The following SYCP2 variants were observed in gnomAD, a reference collection of about 807,000 sequenced individuals.
SYCP2 encodes the protein synaptonemal complex lateral element protein.
In SYCP2, 55 loss-of-function variants were observed where a neutral mutation model predicts 211.3. The observed-to-expected ratio is 0.26, with a 90% confidence interval of 0.21 to 0.33. The LOEUF (loss-of-function observed/expected upper bound fraction) is 0.33. Among genes scored for constraint, SYCP2 ranks in the 10% least tolerant of loss-of-function variants. The pLI, the probability that SYCP2 is intolerant of heterozygous loss-of-function variation, is 1.00. For missense variants in SYCP2, 1,731 were observed against 1,752.0 expected, an observed-to-expected ratio of 0.99 and a Z score of 0.21; for synonymous variants, 570 against 555.2, an observed-to-expected ratio of 1.03 and a Z score of -0.37.
rs2059829709 is a variant in SYCP2 at position 59,888,029 on chromosome 20, G to T, written c.2365-1195C>A. Among the ~76,000 whole-genome samples, 4 of 152,086 alleles carry T rather than the reference G, an allele frequency of 2.6e-5. No homozygotes were observed. In the South Asian group the frequency reaches 8.3e-4, roughly 32 times the overall value. On this transcript the variant is annotated intron_variant, in intron 24 of 44. Coordinates refer to ENST00000357552, the MANE Select transcript of SYCP2 (RefSeq NM_014258.4). ...TATTAAAGAAATGGAATGAATACTTGATATCCTACCAAAACACCAGAAAGA... is the reference window on the plus strand; with the variant it reads ...TATTAAAGAAATGGAATGAATACTTTATATCCTACCAAAACACCAGAAAGA...
At position 59,911,853 on chromosome 20, in the gene SYCP2, A is replaced by T. The variant is rs1409704483; in HGVS notation, c.877-8T>A. 1 of 1,465,684 alleles carries T rather than the reference A, an allele frequency of 6.8e-7. No individual in the cohort carries two copies. Among genetic ancestry groups the T allele is most frequent in the Non-Finnish European group, 9.4e-7 (1 of 1,061,016 alleles). The allele number at this position is 1,465,684 out of a possible 1,614,324, so 90.8% of individuals were successfully genotyped here. On this transcript the variant is annotated splice_region_variant and splice_polypyrimidine_tract_variant and intron_variant, in intron 13 of 44. Transcript: ENST00000357552. ...ATCTGATGGTATTTGCAGCTAATAA[A>T]ATAAACATACAAAACTGGAATATAC... is the stretch of plus-strand genomic sequence containing the variant.
chr20:59,884,949 G>A (rs1258544659), intron 26 of SYCP2, among the ~76,000 whole-genome samples: 1 of 152,008 alleles, frequency 6.6e-6, no homozygotes, highest in Non-Finnish European at 1.5e-5. Context: ...TTGCCAAATG[G>A]GTTTTTGAGT....
intron 32 of SYCP2, 121 bp from the exon 33 acceptor site, chr20:59,877,676 GA>G: frequency 2.5e-6 from 2 of 798,694 alleles, no homozygotes; most frequent in Admixed American, 3.1e-5. Flanking sequence ...AATGATTCTT[GA>G]TTAACATACT....
intron 9 of SYCP2, 98 bp downstream of exon 9, chr20:59,915,365 GTT>G (rs2060419066): frequency 5.0e-6 from 5 of 992,802 alleles, no homozygotes; most frequent in Non-Finnish European, 7.7e-6. Context: ...AGCTGCAACA[GTT>G]TATCAGTTTC....
intron 15 of SYCP2, among the ~76,000 whole-genome samples, chr20:59,906,564 C>G (rs561616738): frequency 9.1e-4 from 138 of 152,148 alleles, no homozygotes; most frequent in Non-Finnish European, 1.7e-3. Flanking sequence ...TTATAATACT[C>G]CTAAACATAA....
chr20:59,916,157 A>T (rs1463888606), intron 8 of SYCP2, among the ~76,000 whole-genome samples: 99 of 152,296 alleles, frequency 6.5e-4, no homozygotes, highest in African/African-American at 2.3e-3. Flanking sequence ...GGAAGCCAAA[A>T]AATGTTACTT....
At chr20:59,868,072 CTACTT>C (rs1210102352) in intron 38 of SYCP2, among the ~76,000 whole-genome samples, 1 of 151,670 alleles carries the variant, frequency 6.6e-6, no homozygotes, top group Non-Finnish European at 1.5e-5. Flanking sequence ...GCAGAAATGA[CTACTT>C]TAAGCTGGAA....
intron 24 of SYCP2, 145 bp from the exon 25 acceptor site, chr20:59,886,979 A>G (rs1469787913): frequency 5.0e-6 from 3 of 603,350 alleles, no homozygotes; most frequent in Non-Finnish European, 8.2e-6. Context: ...AGTAAGTTTG[A>G]GCTTTGTTAG....
At chr20:59,915,322 G>A in intron 9 of SYCP2, 123 bp from the exon 10 acceptor site, 1 of 991,970 alleles carries the variant, frequency 1.0e-6, no homozygotes, top group African/African-American at 1.6e-5. Flanking sequence ...GACTTTTGCA[G>A]AAATTATATG....
chr20:59,868,481 T>A lies in SYCP2; in HGVS notation c.3920A>T (p.Glu1307Val), dbSNP rs1251927076. ...TTTGGGAAGCAAGTTTGCTCTCCTT[T>A]CTCCTTTCTCTTCCATTTCTACTTC... ...SNEVEMEEKG[E>V]RRANLLPKKL... is the part of the protein sequence containing the mutation. Residue 1307 changes from glutamate (E) to valine (V), a missense_variant, in exon 38 of 45, where the codon GAA becomes GTA. Around this residue, in one of 3 missense-constraint regions of SYCP2, gnomAD observed 1,387 missense variants for 1,351.3 expected, o/e 1.03. Coordinates refer to ENST00000357552, the MANE Select transcript of SYCP2 (RefSeq NM_014258.4). 6.2e-7 allele frequency: 1 copy of A among 1,611,520 alleles called. No homozygotes were observed. The highest frequency in any genetic ancestry group is 2.2e-5 in the East Asian group (1 of 44,768).
intron 14 of SYCP2, among the ~76,000 whole-genome samples, chr20:59,908,655 TCAAA>T (rs976323234): frequency 1.1e-4 from 16 of 152,210 alleles, no homozygotes; most frequent in African/African-American, 2.4e-4. Context: ...ATGGCAATTT[TCAAA>T]CAGATTTTTA....
chr20:59,879,844 TATATATATATATATATA>T, intron 31 of SYCP2, among the ~76,000 whole-genome samples: 1 of 127,902 alleles, frequency 7.8e-6, no homozygotes, highest in East Asian at 2.0e-4. Flanking sequence ...TATATATATA[TATATATATATATATATA>T]TACACACACA....
intron 13 of SYCP2, 48 bp from the exon 14 acceptor site, chr20:59,911,893 T>A (rs374845424): frequency 1.2e-5 from 11 of 956,520 alleles, no homozygotes; most frequent in Non-Finnish European, 1.7e-5. Flanking sequence ...ATTTTAGAAA[T>A]AACAGACAAT....
At chr20:59,902,325 C>A (rs2060129727) in intron 15 of SYCP2, among the ~76,000 whole-genome samples, 1 of 152,026 alleles carries the variant, frequency 6.6e-6, no homozygotes, top group African/African-American at 2.4e-5. Context: ...AATGAACTTA[C>A]CAATCCAGTA....
chr20:59,919,935 A>G (rs2060510143), intron 5 of SYCP2, among the ~76,000 whole-genome samples: 1 of 151,722 alleles, frequency 6.6e-6, no homozygotes, highest in South Asian at 2.1e-4. Context: ...CTATATGAAA[A>G]GTTTTCATAT....
In SYCP2 at chr20:59,865,857, C is replaced by T; in HGVS notation, c.4329G>A (p.Trp1443Ter). 1 of 1,390,854 alleles carries T rather than the reference C, an allele frequency of 7.2e-7. No homozygotes were observed. Among genetic ancestry groups the T allele is most frequent in the Non-Finnish European group, 9.6e-7 (1 of 1,038,998 alleles). 86.2% of individuals were successfully genotyped at this position (1,390,854 alleles called of 1,614,324 possible). Residue 1443 changes from tryptophan (W) to a stop codon, truncating the protein, a stop_gained, in exon 42 of 45, where the codon TGG becomes TGA. Coordinates refer to ENST00000357552, the MANE Select transcript of SYCP2 (RefSeq NM_014258.4). LOFTEE classifies it high-confidence loss of function. ...KDLEKEFVDF[W>*]EKIFQKFSAY... is the part of the protein sequence containing the mutation. ...CACTGAACTTCTGAAATATCTTTTC[C>T]CAAAAGTCCTAAATTAATTAATAAA...
chr20:59,914,398 G>C, intron 10 of SYCP2, 147 bp from the exon 11 acceptor site: 1 of 436,066 alleles, frequency 2.3e-6, no homozygotes, highest in South Asian at 7.3e-5. Flanking sequence ...TCTTCATATG[G>C]ATTAGAAATA....
intron 2 of SYCP2, among the ~76,000 whole-genome samples, chr20:59,925,435 T>C (rs1413795198): frequency 6.6e-6 from 1 of 151,924 alleles, no homozygotes; most frequent in Non-Finnish European, 1.5e-5. Flanking sequence ...GAAAACATCA[T>C]TGAGAGAACA....
At chr20:59,909,932 C>G (rs2060284565) in intron 14 of SYCP2, among the ~76,000 whole-genome samples, 1 of 152,114 alleles carries the variant, frequency 6.6e-6, no homozygotes, top group Non-Finnish European at 1.5e-5. Flanking sequence ...GTGCTTAAAT[C>G]TAAATGGGAA....
Sources: gnomAD v4.1 joint callset for allele counts (sites outside exome capture counted in the v4.1 genomes callset) on GRCh38, gnomAD v4.1.1 for gene constraint, gnomAD v4.1.1 regional missense constraint, MANE v1.5 for transcripts, NCBI Gene and HGNC (gene_info 2026-07-23, HGNC 2026-07-21) for gene names.